The following SOX5 variants were observed in gnomAD, a reference collection of about 807,000 sequenced individuals.
The protein encoded by SOX5 is transcription factor SOX-5.
Under a neutral mutation model 92.0 loss-of-function variants are expected in SOX5, and 9 were observed. That is an observed-to-expected ratio of 0.10 (90% CI 0.06 to 0.17). The LOEUF (loss-of-function observed/expected upper bound fraction) is 0.17, where lower values mean the gene tolerates loss of function less well. SOX5 is among the 10% of genes least tolerant of loss of function. The pLI is 1.00. For synonymous variants in SOX5, 344 were observed against 336.3 expected, an observed-to-expected ratio of 1.02 and a Z score of -0.25; for missense variants, 642 against 944.5, an observed-to-expected ratio of 0.68 and a Z score of 4.20.
chr12:24,010,117 TCAAAA>T (rs1227819439), intron 4 of SOX5, among the ~76,000 whole-genome samples: 1 of 152,208 alleles, frequency 6.6e-6, no homozygotes, highest in African/African-American at 2.4e-5. Context: ...AAACAATTTC[TCAAAA>T]CAAGAAAATG....
At chr12:24,063,965 C>T (rs1546227) in intron 4 of SOX5, among the ~76,000 whole-genome samples, 29,747 of 152,018 alleles carry the variant, frequency 0.2, 3,284 homozygotes, top group Middle Eastern at 0.33. Flanking sequence ...ATAGAAAATG[C>T]CACACAGTTT....
chr12:24,255,546 T>G (rs928931671), intron 3 of SOX5, among the ~76,000 whole-genome samples: 7 of 152,162 alleles, frequency 4.6e-5, no homozygotes, highest in Non-Finnish European at 8.8e-5. Flanking sequence ...AGAAAGCAGT[T>G]TAAGGACAAG....
At chr12:24,350,717 A>G (rs1409962692) in intron 2 of SOX5, among the ~76,000 whole-genome samples, 2 of 152,128 alleles carry the variant, frequency 1.3e-5, no homozygotes, top group African/African-American at 4.8e-5. Context: ...GGTGGTGTGT[A>G]TATGTGTGTG....
intron 4 of SOX5, among the ~76,000 whole-genome samples, chr12:24,028,862 T>A (rs1307672686): frequency 6.6e-6 from 1 of 151,996 alleles, no homozygotes; most frequent in Non-Finnish European, 1.5e-5. Flanking sequence ...TATTATTTAG[T>A]GGGTTTAAAA....
At chr12:24,184,175 C>G (rs1955796164) in intron 4 of SOX5, among the ~76,000 whole-genome samples, 1 of 152,118 alleles carries the variant, frequency 6.6e-6, no homozygotes, top group Admixed American at 6.6e-5. Flanking sequence ...CAAATAACAT[C>G]TGGCAGTCAT....
At chr12:23,842,685 C>T (rs963675406) in intron 3 of SOX5, among the ~76,000 whole-genome samples, 1 of 152,044 alleles carries the variant, frequency 6.6e-6, no homozygotes, top group Admixed American at 6.6e-5. Flanking sequence ...CAATCATTAC[C>T]ACAAGCACAA....
intron 2 of SOX5, among the ~76,000 whole-genome samples, chr12:24,325,284 G>T (rs1378930150): frequency 6.6e-6 from 1 of 152,074 alleles, no homozygotes; most frequent in Admixed American, 6.6e-5. Flanking sequence ...AAATTTAAAA[G>T]ATATATATCC....
chr12:23,584,794 C>A (rs1255590088), intron 9 of SOX5, among the ~76,000 whole-genome samples: 1 of 151,790 alleles, frequency 6.6e-6, no homozygotes, highest in Non-Finnish European at 1.5e-5. Context: ...AGACACTAAG[C>A]AAGAAAAGGC....
chr12:24,179,563 G>A (rs1034310367), intron 4 of SOX5, among the ~76,000 whole-genome samples: 7 of 152,116 alleles, frequency 4.6e-5, no homozygotes, highest in African/African-American at 1.7e-4. Flanking sequence ...TGTATTTTGT[G>A]TTTTTGCATC....
chr12:23,690,233 T>A (rs1295575922), intron 6 of SOX5, among the ~76,000 whole-genome samples: 1 of 152,212 alleles, frequency 6.6e-6, no homozygotes, highest in Non-Finnish European at 1.5e-5. Flanking sequence ...AATTAAAAGA[T>A]CTGGTTACAA....
intron 2 of SOX5, among the ~76,000 whole-genome samples, chr12:24,302,271 G>A (rs973004039): frequency 1.3e-5 from 2 of 152,052 alleles, no homozygotes; most frequent in African/African-American, 4.8e-5. Flanking sequence ...TCAATTAAAA[G>A]AAGACATGAC....
chr12:23,702,389 T>C (rs995110832), intron 6 of SOX5, among the ~76,000 whole-genome samples: 3 of 152,068 alleles, frequency 2.0e-5, no homozygotes, highest in African/African-American at 4.8e-5. Flanking sequence ...TTTTGATTCA[T>C]ACTCATCAAA....
At chr12:24,400,239 G>T (rs530548420) in intron 1 of SOX5, among the ~76,000 whole-genome samples, 1 of 152,132 alleles carries the variant, frequency 6.6e-6, no homozygotes, top group Admixed American at 6.5e-5. Flanking sequence ...CTCTGAAGTG[G>T]GTGAAATAAC....
intron 1 of SOX5, among the ~76,000 whole-genome samples, chr12:24,525,760 G>A (rs1471879754): frequency 4.0e-5 from 6 of 151,754 alleles, no homozygotes; most frequent in Admixed American, 6.6e-5. Context: ...TAGTCCCAGC[G>A]ACTCGGGAGG....
intron 2 of SOX5, among the ~76,000 whole-genome samples, chr12:24,280,161 A>G (rs1285675858): frequency 6.6e-6 from 1 of 152,196 alleles, no homozygotes; most frequent in Non-Finnish European, 1.5e-5. Flanking sequence ...TACTTTAAAA[A>G]GGAAGGACAG....
intron 4 of SOX5, among the ~76,000 whole-genome samples, chr12:23,745,147 G>A (rs2093937755): frequency 6.6e-6 from 1 of 152,108 alleles, no homozygotes; most frequent in African/African-American, 2.4e-5. Flanking sequence ...GGGAAAGTGC[G>A]TAGTTCAACC....
intron 1 of SOX5, among the ~76,000 whole-genome samples, chr12:24,562,052 T>A (rs1207964836): frequency 6.6e-6 from 1 of 152,188 alleles, no homozygotes; most frequent in Non-Finnish European, 1.5e-5. Context: ...AAGCCGGCGC[T>A]CCAGGGTCCC....
At chr12:24,149,910 T>G (rs1041762995) in intron 4 of SOX5, among the ~76,000 whole-genome samples, 1 of 152,030 alleles carries the variant, frequency 6.6e-6, no homozygotes, top group Non-Finnish European at 1.5e-5. Flanking sequence ...ACCAGATGCC[T>G]CCGTCACAAA....
In SOX5 at chr12:23,626,426, TG is replaced by T. The variant is rs370884282; in HGVS notation, c.1017+14385del. ...CCTGCTCATCTTCCTTCTTATTCCA[TG>T]GAGATGGAATGAGAATAATTAAAAC... On this transcript the variant is annotated intron_variant, in intron 8 of 14. Coordinates refer to ENST00000451604, the MANE Select transcript of SOX5 (RefSeq NM_006940.6). Among the ~76,000 whole-genome samples, 38 of 152,304 alleles carry T rather than the reference TG, an allele frequency of 2.5e-4. 1 individual carries two copies. In the South Asian group the frequency reaches 7.2e-3, roughly 29 times the overall value.
Sources: gnomAD v4.1 joint callset for allele counts (sites outside exome capture counted in the v4.1 genomes callset) on GRCh38, gnomAD v4.1.1 for gene constraint, MANE v1.5 for transcripts, NCBI Gene and HGNC (gene_info 2026-07-23, HGNC 2026-07-21) for gene names.